Variants in ADK observed in about 807,000 individuals in gnomAD.
ADK encodes the protein adenosine kinase.
A neutral mutation model predicts 44.7 loss-of-function variants in ADK; 24 were observed. That is an observed-to-expected ratio of 0.54 (90% confidence interval 0.39 to 0.76). The LOEUF (loss-of-function observed/expected upper bound fraction) is 0.76. Among genes scored for constraint, ADK ranks in the 30% least tolerant of loss-of-function variants. The pLI is 0.00. For synonymous variants in ADK, 128 were observed against 142.6 expected (o/e 0.90, Z 0.73); for missense variants, 321 against 425.1 (o/e 0.76, Z 2.15).
At chr10:74,495,092 C>T (rs1237529951) in intron 6 of ADK, among the ~76,000 whole-genome samples, 1 of 151,914 alleles carries the variant, frequency 6.6e-6, no homozygotes, top group Non-Finnish European at 1.5e-5. Flanking sequence ...TCTGCCTTTT[C>T]TCTAGAAGCA....
chr10:74,232,554 C>T (rs1245205870), intron 3 of ADK, among the ~76,000 whole-genome samples: 4 of 139,274 alleles, frequency 2.9e-5, no homozygotes, highest in Non-Finnish European at 3.1e-5. Flanking sequence ...CCGCACCCCC[C>T]CCCCCCAAAA....
At chr10:74,311,982 A>G (rs569727589) in intron 3 of ADK, among the ~76,000 whole-genome samples, 2 of 152,200 alleles carry the variant, frequency 1.3e-5, no homozygotes, top group African/African-American at 4.8e-5. Flanking sequence ...CCTGGCCAAC[A>G]TGGTGAAACC....
At position 74,684,313 on chromosome 10, in the gene ADK, T is replaced by A. The variant is rs548441360; in HGVS notation, c.964+14044T>A. On this transcript the variant is annotated intron_variant, in intron 10 of 10. Transcript: ENST00000539909. The stretch of plus-strand genomic sequence containing the variant: ...TTGTTAAATATATGAATTTAATGGC[T>A]AAGGGTTTTTCAGACCTTTTCTCAC... 2.6e-5 allele frequency among the ~76,000 whole-genome samples: 4 copies of A among 152,326 alleles called. No individual in the cohort carries two copies. In the South Asian group the frequency reaches 8.3e-4, roughly 32 times the overall value.
In ADK at chr10:74,679,588, T is replaced by A. The variant is rs931483814; in HGVS notation, c.964+9319T>A. ...AAATTATTTGGCCTTTTTTTTTTAATGCCAGTAAAAAATTACTGATGACGT... is the reference window on the plus strand; with the variant it reads ...AAATTATTTGGCCTTTTTTTTTTAAAGCCAGTAAAAAATTACTGATGACGT... On this transcript the variant is annotated intron_variant, in intron 10 of 10. Coordinates refer to ENST00000539909, the MANE Select transcript of ADK (RefSeq NM_006721.4). 5.3e-5 allele frequency among the ~76,000 whole-genome samples: 8 copies of A among 152,182 alleles called. No individual in the cohort carries two copies. The South Asian group carries it at 1.0e-3, about 20-fold the overall frequency.
intron 3 of ADK, among the ~76,000 whole-genome samples, chr10:74,242,302 T>A (rs6480726): frequency 6.6e-6 from 1 of 152,068 alleles, no homozygotes; most frequent in Non-Finnish European, 1.5e-5. Context: ...TCAGACAGTT[T>A]GGGGAGAAAA....
intron 7 of ADK, among the ~76,000 whole-genome samples, chr10:74,588,565 A>G (rs1252218607): frequency 6.6e-6 from 1 of 152,220 alleles, no homozygotes; most frequent in Non-Finnish European, 1.5e-5. Flanking sequence ...AATTCATATT[A>G]AAGTATTTAG....
At chr10:74,699,600 G>A (rs1359019288) in intron 10 of ADK, among the ~76,000 whole-genome samples, 3 of 152,114 alleles carry the variant, frequency 2.0e-5, no homozygotes, top group Non-Finnish European at 2.9e-5. Context: ...TCACTTGAAC[G>A]CTGGAGGCGG....
intron 3 of ADK, among the ~76,000 whole-genome samples, chr10:74,254,744 G>T (rs1025479042): frequency 1.3e-5 from 2 of 151,904 alleles, no homozygotes; most frequent in African/African-American, 4.8e-5. Context: ...TTCTTTTTTT[G>T]TGTGTTTTTC....
Position 74,210,330 on chromosome 10 carries a change from GAAAAAAA to G in ADK, c.140+9507_140+9513del, listed in dbSNP as rs57852507. ...GCGACAGAGTGAGACTCCATCTCAG[GAAAAAAA>G]AAAAAAAAAAAAAATAGAAAATACT... On this transcript the variant is annotated intron_variant, in intron 2 of 10. Coordinates refer to ENST00000539909, the MANE Select transcript of ADK (RefSeq NM_006721.4). Among the ~76,000 whole-genome samples, 7 of 84,896 alleles carry G rather than the reference GAAAAAAA, an allele frequency of 8.2e-5. No homozygotes were observed. In the South Asian group the frequency reaches 2.4e-3, roughly 29 times the overall value. 55.7% of individuals were successfully genotyped at this position (84,896 alleles called of 152,430 possible).
intron 7 of ADK, among the ~76,000 whole-genome samples, chr10:74,568,203 T>G: frequency 6.6e-6 from 1 of 152,202 alleles, no homozygotes; most frequent in East Asian, 1.9e-4. Flanking sequence ...ACATTTTATG[T>G]GTGGCCCAAG....
chr10:74,451,220 CTG>C lies in ADK; in HGVS notation c.555+52644_555+52645del, dbSNP rs1306791992. On this transcript the variant is annotated intron_variant, in intron 6 of 10. Transcript: ENST00000539909. ...CAAGTGATGACATGCAGAGATTTTG[CTG>C]TGAGGAGAGGGAGAGAGCAAAAAGT... Among the ~76,000 whole-genome samples, 24 of 151,480 alleles carry C rather than the reference CTG, an allele frequency of 1.6e-4. No homozygotes were observed. In the East Asian group the frequency reaches 4.6e-3, roughly 29 times the overall value.
chr10:74,340,072 A>T (rs1047732857), intron 4 of ADK, among the ~76,000 whole-genome samples: 2 of 152,156 alleles, frequency 1.3e-5, no homozygotes, highest in African/African-American at 4.8e-5. Context: ...TTGAAGGGCC[A>T]TTTTTCATGT....
At chr10:74,314,795 C>G (rs1399894050) in intron 4 of ADK, 50 bp downstream of exon 4, 2 of 1,327,942 alleles carry the variant, frequency 1.5e-6, no homozygotes, top group Admixed American at 1.7e-5. Flanking sequence ...ATTCTAGACC[C>G]ATGTCTATTT....
chr10:74,527,874 C>T, intron 7 of ADK: 2 of 883,498 alleles, frequency 2.3e-6, no homozygotes, highest in Admixed American at 1.7e-5. Flanking sequence ...TAACATACGT[C>T]AGTACAGGAA....
At chr10:74,498,387 TAAG>T (rs938293860) in intron 6 of ADK, among the ~76,000 whole-genome samples, 11 of 152,324 alleles carry the variant, frequency 7.2e-5, no homozygotes, top group African/African-American at 2.2e-4. Context: ...TCATACCAAA[TAAG>T]AAGAATTTTA....
intron 3 of ADK, among the ~76,000 whole-genome samples, chr10:74,290,858 A>C (rs1192462950): frequency 1.3e-5 from 2 of 152,078 alleles, no homozygotes; most frequent in African/African-American, 4.8e-5. Context: ...AATCTTGTGG[A>C]AGAGGTTATA....
intron 2 of ADK, among the ~76,000 whole-genome samples, chr10:74,210,980 G>A (rs745837235): frequency 2.0e-5 from 3 of 152,092 alleles, no homozygotes; most frequent in African/African-American, 7.2e-5. Flanking sequence ...TGCCTCCCGG[G>A]TTCAAGCTAT....
At chr10:74,690,743 T>G (rs1451294095) in intron 10 of ADK, among the ~76,000 whole-genome samples, 1 of 152,218 alleles carries the variant, frequency 6.6e-6, no homozygotes, top group East Asian at 1.9e-4. Context: ...GTTATGTTAT[T>G]TTTAAAGTGC....
intron 4 of ADK, among the ~76,000 whole-genome samples, chr10:74,391,936 A>G (rs1843350457): frequency 6.6e-6 from 1 of 152,124 alleles, no homozygotes; most frequent in Non-Finnish European, 1.5e-5. Flanking sequence ...CTTCCTATGA[A>G]TGGAATCATA....
Sources: allele counts gnomAD v4.1 joint callset (sites outside exome capture counted in the v4.1 genomes callset), GRCh38; gene constraint gnomAD v4.1.1; transcripts MANE v1.5; gene names NCBI Gene and HGNC (gene_info 2026-07-23, HGNC 2026-07-21).